RAB3C: variants seen among roughly 807,000 people sequenced by gnomAD.
RAB3C encodes ras-related protein Rab-3C.
Under a neutral mutation model 26.4 loss-of-function variants are expected in RAB3C, and 17 were observed. The ratio of observed to expected loss-of-function variants is 0.64; its 90% CI spans 0.44 to 0.97. The LOEUF (loss-of-function observed/expected upper bound fraction) is 0.97. Among genes scored for constraint, RAB3C ranks in the 50% least tolerant of loss-of-function variants. RAB3C has a pLI of 0.00. For synonymous variants in RAB3C, 91 were observed against 95.9 expected, an observed-to-expected ratio of 0.95 and a Z score of 0.30; for missense variants, 242 against 281.9, an observed-to-expected ratio of 0.86 and a Z score of 1.01.
At position 58,853,170 on chromosome 5, in the gene RAB3C, A is replaced by G. The variant is rs1401523146; in HGVS notation, c.*1819A>G. ...AACATTAATGTTTTATTAGTTTTTA[A>G]TGGGGCAACCAACTTCAAAATCACA... On this transcript the variant is annotated 3_prime_UTR_variant, in exon 5 of 5. Transcript: ENST00000282878. 1 of 152,228 alleles carries G rather than the reference A, an allele frequency of 6.6e-6. No individual in the cohort carries two copies. Among genetic ancestry groups the G allele is most frequent in the Non-Finnish European group, 1.5e-5 (1 of 68,040 alleles). 9.4% of individuals were successfully genotyped at this position (152,228 alleles called of 1,614,324 possible).
intron 3 of RAB3C, among the ~76,000 whole-genome samples, chr5:58,756,541 C>A (rs1384740481): frequency 6.7e-6 from 1 of 150,084 alleles, no homozygotes; most frequent in African/African-American, 2.5e-5. Flanking sequence ...CCCCCCACCC[C>A]CCAACAGGCA....
intron 2 of RAB3C, among the ~76,000 whole-genome samples, chr5:58,684,425 T>G (rs1376166282): frequency 6.6e-6 from 1 of 152,148 alleles, no homozygotes; most frequent in African/African-American, 2.4e-5. Flanking sequence ...AGCCTAGAGA[T>G]CCACAGGCCT....
intron 1 of RAB3C, among the ~76,000 whole-genome samples, chr5:58,602,450 T>C (rs1746477329): frequency 1.3e-5 from 2 of 152,184 alleles, no homozygotes; most frequent in Admixed American, 6.5e-5. Flanking sequence ...AGTGGAGTAT[T>C]GATGTCCCCC....
chr5:58,825,043 C>T lies in RAB3C; in HGVS notation c.377C>T (p.Thr126Ile), dbSNP rs929162112. ...ESFNAVQDWSTQIKTYSWDNA... is the reference protein window; with the variant it reads ...ESFNAVQDWSIQIKTYSWDNA... ...GCTTCTTCTTTTTCTTTTAGGTCAA[C>T]TCAAATCAAAACATACTCTTGGGAC... The change falls in exon 4 of 5, where the codon ACT becomes ATT. Residue 126 changes from threonine (T) to isoleucine (I), a missense_variant. Thr to Ile is a moderately conservative substitution (Grantham distance 89, BLOSUM62 -1). Transcript: ENST00000282878. 1 of 1,604,626 alleles carries T rather than the reference C, an allele frequency of 6.2e-7. No individual in the cohort carries two copies. Among genetic ancestry groups the T allele is most frequent in the African/African-American group, 1.3e-5 (1 of 74,554 alleles).
intron 2 of RAB3C, among the ~76,000 whole-genome samples, chr5:58,723,425 T>A (rs538687032): frequency 2.9e-4 from 44 of 151,948 alleles, no homozygotes; most frequent in African/African-American, 9.6e-4. Context: ...ATCACACTCT[T>A]AGCTAATTTT....
At chr5:58,652,000 G>A (rs1372787772) in intron 2 of RAB3C, among the ~76,000 whole-genome samples, 1 of 151,724 alleles carries the variant, frequency 6.6e-6, no homozygotes, top group African/African-American at 2.4e-5. Flanking sequence ...TCTTTTATTG[G>A]TTTCTTTGTC....
intron 2 of RAB3C, among the ~76,000 whole-genome samples, chr5:58,697,230 G>A (rs892299404): frequency 6.6e-6 from 1 of 152,180 alleles, no homozygotes; most frequent in African/African-American, 2.4e-5. Context: ...TAGTTGTGCA[G>A]TTTTGAGTGA....
At chr5:58,813,457 C>T (rs886404957) in intron 3 of RAB3C, among the ~76,000 whole-genome samples, 4 of 151,758 alleles carry the variant, frequency 2.6e-5, no homozygotes, top group East Asian at 3.9e-4. Flanking sequence ...TCTTTATGCA[C>T]GCTGCAGGTT....
At chr5:58,666,880 A>T (rs1260855515) in intron 2 of RAB3C, among the ~76,000 whole-genome samples, 1 of 152,234 alleles carries the variant, frequency 6.6e-6, no homozygotes, top group African/African-American at 2.4e-5. Context: ...AACAGCAGTG[A>T]GGTGATGACG....
At position 58,853,842 on chromosome 5, in the gene RAB3C, A is replaced by G. The variant is rs1261309557; in HGVS notation, c.*2491A>G. ...AATTCAATGAGAGGTTTCCAGAGAAACAGTCACAGAGCTCAAGAGAAAGAA... is the reference window on the plus strand; with the variant it reads ...AATTCAATGAGAGGTTTCCAGAGAAGCAGTCACAGAGCTCAAGAGAAAGAA... On this transcript the variant is annotated 3_prime_UTR_variant, in exon 5 of 5. Coordinates refer to ENST00000282878, the MANE Select transcript of RAB3C (RefSeq NM_138453.4). 3 of 152,112 alleles carry G rather than the reference A, an allele frequency of 2.0e-5. No homozygotes were observed. Among genetic ancestry groups the G allele is most frequent in the Non-Finnish European group, 4.4e-5 (3 of 68,024 alleles). The allele number at this position is 152,112 out of a possible 1,614,324, so 9.4% of individuals were successfully genotyped here. A position where few individuals can be genotyped will look rare whatever the true frequency, so the allele number is the denominator to read the frequency against.
At chr5:58,765,599 T>C (rs894838025) in intron 3 of RAB3C, among the ~76,000 whole-genome samples, 1 of 152,230 alleles carries the variant, frequency 6.6e-6, no homozygotes. Context: ...GCATATTGTT[T>C]TGTAACCTTA....
At chr5:58,695,748 G>A (rs1579863150) in intron 2 of RAB3C, among the ~76,000 whole-genome samples, 4 of 152,164 alleles carry the variant, frequency 2.6e-5, no homozygotes, top group Admixed American at 2.6e-4. Flanking sequence ...GTATAGGAAT[G>A]CTTGTGTTTT....
At chr5:58,783,230 T>C (rs1184939758) in intron 3 of RAB3C, among the ~76,000 whole-genome samples, 1 of 152,114 alleles carries the variant, frequency 6.6e-6, no homozygotes, top group Non-Finnish European at 1.5e-5. Flanking sequence ...CCCCATGAGA[T>C]ACTGATCAAG....
At chr5:58,649,417 T>A (rs1296377652) in intron 2 of RAB3C, among the ~76,000 whole-genome samples, 2 of 152,014 alleles carry the variant, frequency 1.3e-5, no homozygotes, top group East Asian at 3.9e-4. Context: ...TAATTTCAGA[T>A]CTCTTCCTTT....
chr5:58,676,895 G>A (rs1037137149), intron 2 of RAB3C, among the ~76,000 whole-genome samples: 3 of 152,024 alleles, frequency 2.0e-5, no homozygotes, highest in African/African-American at 7.2e-5. Flanking sequence ...TGCTTAGAAT[G>A]GCCTTTCCCA....
chr5:58,674,161 G>C (rs1748177992), intron 2 of RAB3C, among the ~76,000 whole-genome samples: 1 of 152,126 alleles, frequency 6.6e-6, no homozygotes, highest in Non-Finnish European at 1.5e-5. Context: ...ATTGAGATCA[G>C]AATTGAAAGT....
intron 3 of RAB3C, among the ~76,000 whole-genome samples, chr5:58,753,978 A>AG (rs1177420885): frequency 1.3e-5 from 2 of 152,170 alleles, no homozygotes; most frequent in Non-Finnish European, 2.9e-5. Flanking sequence ...TGCCAACATT[A>AG]GTGGGCCAAG....
chr5:58,765,558 A>G (rs940175145), intron 3 of RAB3C, among the ~76,000 whole-genome samples: 1 of 152,066 alleles, frequency 6.6e-6, no homozygotes, highest in Non-Finnish European at 1.5e-5. Context: ...ATAAGTAAAT[A>G]TATAATCACA....
At chr5:58,806,846 C>A (rs1478780729) in intron 3 of RAB3C, among the ~76,000 whole-genome samples, 1 of 152,104 alleles carries the variant, frequency 6.6e-6, no homozygotes, top group African/African-American at 2.4e-5. Flanking sequence ...ATACTGGTAC[C>A]TTTAGCCTAC....
Sources: allele counts gnomAD v4.1 joint callset (sites outside exome capture counted in the v4.1 genomes callset), GRCh38; gene constraint gnomAD v4.1.1; transcripts MANE v1.5; gene names NCBI Gene and HGNC (gene_info 2026-07-23, HGNC 2026-07-21).